Variants in CECR2 observed in about 807,000 individuals in gnomAD.
The protein encoded by CECR2 is CECR2 histone acetyl-lysine reader, also known as chromatin remodeling regulator CECR2.
In CECR2, 30 loss-of-function variants were observed where a neutral mutation model predicts 154.5. The ratio of observed to expected loss-of-function variants is 0.19; its 90% CI spans 0.15 to 0.26. CECR2 has a LOEUF of 0.26. Ranked by LOEUF, CECR2 falls within the 10% of genes least tolerant of loss-of-function variation. The pLI, the probability that CECR2 is intolerant of heterozygous loss-of-function variation, is 1.00. For synonymous variants in CECR2, 725 were observed against 683.7 expected (o/e 1.06, Z -0.94); for missense variants, 1,743 against 1,829.3 (o/e 0.95, Z 0.86).
chr22:17,511,876 A>G lies in CECR2; in HGVS notation c.934A>G (p.Ile312Val). Residue 312 changes from isoleucine (I) to valine (V), a missense_variant, in exon 8 of 19, where the codon ATC becomes GTC. Coordinates refer to ENST00000262608, the MANE Select transcript of CECR2 (RefSeq NM_001290047.2). ...HPRWMSDHLS[I>V]KPVKQEETPV... The stretch of plus-strand genomic sequence containing the variant: ...TAGGTGGATGTCTGACCACCTGTCC[A>G]TCAAACCCGTCAAGCAAGAGGTGAG... The G allele has an allele frequency of 6.2e-7, 1 of 1,611,746 alleles. No individual in the cohort carries two copies. Among genetic ancestry groups the G allele is most frequent in the African/African-American group, 1.3e-5 (1 of 75,046 alleles).
chr22:17,493,812 C>G (rs1239255021), intron 2 of CECR2, among the ~76,000 whole-genome samples: 1 of 152,250 alleles, frequency 6.6e-6, no homozygotes, highest in Non-Finnish European at 1.5e-5. Flanking sequence ...TGTACTTTCT[C>G]AACCTCACAT....
intron 9 of CECR2, among the ~76,000 whole-genome samples, chr22:17,529,370 A>G (rs2056316743): frequency 6.6e-6 from 1 of 152,050 alleles, no homozygotes; most frequent in Non-Finnish European, 1.5e-5. Flanking sequence ...CAGGTAGCCC[A>G]GGGTCGCATT....
intron 1 of CECR2, among the ~76,000 whole-genome samples, chr22:17,405,279 G>A (rs1479485856): frequency 6.6e-6 from 1 of 152,082 alleles, no homozygotes; most frequent in South Asian, 2.1e-4. Flanking sequence ...GGGCATGGTG[G>A]TGGACGCCTG....
Position 17,538,977 on chromosome 22 carries a change from T to C in CECR2, c.1369-16T>C. ...TCAGCATATTTTAACTATAAAGAGTTATGTGTCTCGTTTAGGCCCCCATGG... is the reference window on the plus strand; with the variant it reads ...TCAGCATATTTTAACTATAAAGAGTCATGTGTCTCGTTTAGGCCCCCATGG... On this transcript the variant is annotated splice_polypyrimidine_tract_variant and intron_variant, in intron 12 of 18. Transcript: ENST00000262608. 6.2e-7 allele frequency: 1 copy of C among 1,611,440 alleles called. No individual in the cohort carries two copies. The highest frequency in any genetic ancestry group is 8.5e-7 in the Non-Finnish European group (1 of 1,178,496).
At chr22:17,386,420 TTA>T (rs1358782849) in intron 1 of CECR2, among the ~76,000 whole-genome samples, 1 of 152,176 alleles carries the variant, frequency 6.6e-6, no homozygotes, top group Non-Finnish European at 1.5e-5. Flanking sequence ...AGAAGTTAAA[TTA>T]ATCTCAGTTC....
At chr22:17,477,439 A>C in intron 1 of CECR2, 149 bp from the exon 2 acceptor site, 1 of 630,022 alleles carries the variant, frequency 1.6e-6, no homozygotes, top group Non-Finnish European at 2.8e-6. Context: ...TTCTCACAGT[A>C]GCCAGAAGGA....
chr22:17,512,534 C>T (rs1338529273), intron 8 of CECR2, among the ~76,000 whole-genome samples: 1 of 151,800 alleles, frequency 6.6e-6, no homozygotes, highest in Non-Finnish European at 1.5e-5. Context: ...AAAACCCCAT[C>T]TCTACTAAAA....
rs1184893086 is a variant in CECR2 at position 17,556,274 on chromosome 22, C to T, written c.*3434C>T. ...GATGCTCTCAGAAGGCCTTCTCATGCTCCTCTTCGTTAGGCTTAGTGAAAA... is the reference window on the plus strand; with the variant it reads ...GATGCTCTCAGAAGGCCTTCTCATGTTCCTCTTCGTTAGGCTTAGTGAAAA... On this transcript the variant is annotated 3_prime_UTR_variant, in exon 19 of 19. Coordinates refer to ENST00000262608, the MANE Select transcript of CECR2 (RefSeq NM_001290047.2). 1 of 152,176 alleles carries T rather than the reference C, an allele frequency of 6.6e-6. No homozygotes were observed. The highest frequency in any genetic ancestry group is 1.9e-4 in the East Asian group (1 of 5,188). The allele number at this position is 152,176 out of a possible 1,614,324, so 9.4% of individuals were successfully genotyped here.
chr22:17,533,700 T>G (rs187957253), intron 9 of CECR2, among the ~76,000 whole-genome samples: 6 of 150,052 alleles, frequency 4.0e-5, no homozygotes, highest in South Asian at 2.1e-4. Flanking sequence ...AAGGGCCTTT[T>G]TTTGTTTGTT....
At chr22:17,379,789 T>C (rs1003824832) in intron 1 of CECR2, among the ~76,000 whole-genome samples, 3 of 152,108 alleles carry the variant, frequency 2.0e-5, no homozygotes, top group African/African-American at 7.2e-5. Context: ...TTCAAATAGA[T>C]TTTTATTTTG....
At chr22:17,406,783 A>C (rs895380327) in intron 1 of CECR2, among the ~76,000 whole-genome samples, 1 of 152,182 alleles carries the variant, frequency 6.6e-6, no homozygotes, top group Non-Finnish European at 1.5e-5. Context: ...TTAGTGCACT[A>C]ATCAACCACA....
At chr22:17,452,198 G>A (rs1393356154) in intron 1 of CECR2, among the ~76,000 whole-genome samples, 1 of 152,114 alleles carries the variant, frequency 6.6e-6, no homozygotes, top group Non-Finnish European at 1.5e-5. Context: ...TCAGCCTCTG[G>A]AATAGCTGGG....
intron 1 of CECR2, among the ~76,000 whole-genome samples, chr22:17,381,104 C>CG (rs138788800): frequency 6.0e-4 from 11 of 18,364 alleles, no homozygotes; most frequent in Middle Eastern, 0.038. Flanking sequence ...CGGGGGTGGG[C>CG]GGGGGGGAAG....
At chr22:17,532,697 A>ATTTTTT (rs1158636788) in intron 9 of CECR2, among the ~76,000 whole-genome samples, 1 of 29,354 alleles carries the variant, frequency 3.4e-5, no homozygotes, top group African/African-American at 1.2e-4. Context: ...ATTCATTATT[A>ATTTTTT]TTCTTTTTTT....
intron 1 of CECR2, among the ~76,000 whole-genome samples, chr22:17,456,962 T>C (rs2054863475): frequency 6.6e-6 from 1 of 152,258 alleles, no homozygotes; most frequent in Non-Finnish European, 1.5e-5. Flanking sequence ...TGTTTATGTC[T>C]CTAATCCTTG....
Position 17,484,194 on chromosome 22 carries a change from T to C in CECR2, c.221+6512T>C, listed in dbSNP as rs117836388. 5.0e-3 allele frequency among the ~76,000 whole-genome samples: 766 copies of C among 152,318 alleles called. 20 individuals are homozygous for C. In the East Asian group the frequency reaches 0.088, roughly 18 times the overall value. On this transcript the variant is annotated intron_variant, in intron 2 of 18. Transcript: ENST00000262608. Reference sequence around the variant, plus strand: ...TTATGTTAAGCAATGCGTGGCTATTTTAGGCCCTCACTTGCAACAGAGTCT... The same window carrying C: ...TTATGTTAAGCAATGCGTGGCTATTCTAGGCCCTCACTTGCAACAGAGTCT...
At chr22:17,448,457 G>A (rs1318629303) in intron 1 of CECR2, among the ~76,000 whole-genome samples, 1 of 152,160 alleles carries the variant, frequency 6.6e-6, no homozygotes, top group Non-Finnish European at 1.5e-5. Flanking sequence ...AGCAGTAGTT[G>A]CCTCCATTTG....
chr22:17,549,669 G>A, intron 17 of CECR2, 105 bp downstream of exon 17: 1 of 1,040,382 alleles, frequency 9.6e-7, no homozygotes, highest in Non-Finnish European at 1.4e-6. Context: ...CTGGAGTGCA[G>A]TGGTGTGATC....
At chr22:17,429,545 C>CAAAAAAAAA (rs2054387741) in intron 1 of CECR2, among the ~76,000 whole-genome samples, 1 of 136,954 alleles carries the variant, frequency 7.3e-6, no homozygotes, top group Non-Finnish European at 1.5e-5. Flanking sequence ...CTACCAAAAA[C>CAAAAAAAAA]AAAAACAAAA....
Sources: gnomAD v4.1 joint callset for allele counts (sites outside exome capture counted in the v4.1 genomes callset) on GRCh38, gnomAD v4.1.1 for gene constraint, MANE v1.5 for transcripts, NCBI Gene and HGNC (gene_info 2026-07-23, HGNC 2026-07-21) for gene names.